Variants in SLC7A14 observed in about 807,000 individuals in gnomAD.
SLC7A14 encodes the protein gamma-aminobutyric acid transporter SLC7A14.
In SLC7A14, 37 loss-of-function variants were observed where a neutral mutation model predicts 60.2. The observed-to-expected ratio is 0.61, with a 90% CI of 0.47 to 0.81. The LOEUF (loss-of-function observed/expected upper bound fraction) is 0.81. SLC7A14 is among the 30% of genes least tolerant of loss of function. The pLI is 0.00. For synonymous variants in SLC7A14, 399 were observed against 395.8 expected, an observed-to-expected ratio of 1.01 and a Z score of -0.10; for missense variants, 886 against 982.7, an observed-to-expected ratio of 0.90 and a Z score of 1.32.
chr3:170,529,163 C>T (rs888506552), intron 1 of SLC7A14, among the ~76,000 whole-genome samples: 4 of 152,210 alleles, frequency 2.6e-5, no homozygotes, highest in Admixed American at 6.5e-5. Context: ...CAAAGAACCA[C>T]ATGAGTAAAT....
intron 7 of SLC7A14, among the ~76,000 whole-genome samples, chr3:170,470,311 T>A (rs1378782314): frequency 2.2e-5 from 3 of 136,690 alleles, no homozygotes; most frequent in African/African-American, 3.1e-5. Flanking sequence ...AAGGAACATG[T>A]GTGTGTGTGT....
At chr3:170,515,194 T>G (rs930851109) in intron 2 of SLC7A14, among the ~76,000 whole-genome samples, 1 of 151,642 alleles carries the variant, frequency 6.6e-6, no homozygotes, top group African/African-American at 2.4e-5. Flanking sequence ...GTGCCTCTAA[T>G]CCTAGCTACC....
intron 2 of SLC7A14, among the ~76,000 whole-genome samples, chr3:170,518,062 C>T (rs903917206): frequency 1.3e-5 from 2 of 152,170 alleles, no homozygotes; most frequent in African/African-American, 4.8e-5. Context: ...TGAGTTCTGG[C>T]ACGGCACTAA....
intron 2 of SLC7A14, among the ~76,000 whole-genome samples, chr3:170,510,056 C>T (rs139340187): frequency 8.9e-6 from 1 of 112,664 alleles, no homozygotes; most frequent in Non-Finnish European, 1.8e-5. Context: ...CCAGCCTGGA[C>T]AAGAGCAAAA....
chr3:170,498,697 C>G lies in SLC7A14; in HGVS notation c.729G>C (p.Glu243Asp). 3 of 1,614,184 alleles carry G rather than the reference C, an allele frequency of 1.9e-6. No individual in the cohort carries two copies. The highest frequency in any genetic ancestry group is 1.1e-5 in the South Asian group (1 of 91,088). ...ACCAGCCGTGGGGCAAGAACTGGCC[C>G]TCCGCCCAGTATTTCCCATTGATGA... ...LFFINGKYWAEGQFLPHGWSG... is the reference protein window; with the variant it reads ...LFFINGKYWADGQFLPHGWSG... The change falls in exon 4 of 8, where the codon GAG becomes GAC. Residue 243 changes from glutamate to aspartate, a missense_variant. Coordinates refer to ENST00000231706, the MANE Select transcript of SLC7A14 (RefSeq NM_020949.3).
Position 170,569,566 on chromosome 3 carries a change from G to T in SLC7A14, c.-153+16345C>A, listed in dbSNP as rs539754532. 1.3e-3 allele frequency among the ~76,000 whole-genome samples: 204 copies of T among 152,234 alleles called. No homozygotes were observed. The Middle Eastern group carries it at 0.014, about 10-fold the overall frequency. On this transcript the variant is annotated intron_variant, in intron 1 of 7. Coordinates refer to ENST00000231706, the MANE Select transcript of SLC7A14 (RefSeq NM_020949.3). Reference sequence around the variant, plus strand: ...GGATTCCCTCTTTTTCTATTGATTGGAATGGTTTCAGAAGGAATGGTACCA... The same window carrying T: ...GGATTCCCTCTTTTTCTATTGATTGTAATGGTTTCAGAAGGAATGGTACCA...
At chr3:170,523,125 A>G (rs1421036041) in intron 2 of SLC7A14, among the ~76,000 whole-genome samples, 1 of 152,258 alleles carries the variant, frequency 6.6e-6, no homozygotes, top group Non-Finnish European at 1.5e-5. Flanking sequence ...CCAGGCAATT[A>G]ATATGCATCT....
At chr3:170,482,964 G>A (rs931780781) in intron 6 of SLC7A14, among the ~76,000 whole-genome samples, 1 of 151,504 alleles carries the variant, frequency 6.6e-6, no homozygotes, top group Non-Finnish European at 1.5e-5. Flanking sequence ...AGGCCTCAAT[G>A]TGAGGGCAGG....
intron 2 of SLC7A14, among the ~76,000 whole-genome samples, chr3:170,511,008 A>G (rs958562363): frequency 2.0e-5 from 3 of 152,208 alleles, no homozygotes; most frequent in Non-Finnish European, 2.9e-5. Context: ...GAATTCACAC[A>G]GCCTCTGGAG....
intron 1 of SLC7A14, among the ~76,000 whole-genome samples, chr3:170,539,311 G>C (rs960011903): frequency 6.6e-6 from 1 of 152,070 alleles, no homozygotes; most frequent in Non-Finnish European, 1.5e-5. Context: ...CATGCTTCCA[G>C]TCTCAGCTGA....
chr3:170,513,065 G>A (rs1713037812), intron 2 of SLC7A14, among the ~76,000 whole-genome samples: 1 of 152,130 alleles, frequency 6.6e-6, no homozygotes, highest in Admixed American at 6.5e-5. Flanking sequence ...CTGATGGATT[G>A]TTTCTAGCTA....
rs1711762528 is a variant in SLC7A14, at chr3:170,480,200, T to C, written c.1993+89A>G. ...CAGCCAGATTTCTCTGGGAACGGAG[T>C]TGCCTAGTCCAGCTAGGAGGTAATT... On this transcript the variant is annotated intron_variant, in intron 7 of 7. Transcript: ENST00000231706. 2.2e-6 allele frequency: 3 copies of C among 1,348,806 alleles called. No individual in the cohort carries two copies. The South Asian group carries it at 5.0e-5, about 22-fold the overall frequency. 83.6% of individuals were successfully genotyped at this position (1,348,806 alleles called of 1,614,324 possible). A position where few individuals can be genotyped will look rare whatever the true frequency, so the allele number is the denominator to read the frequency against.
chr3:170,496,231 A>C, intron 4 of SLC7A14: 2 of 924,700 alleles, frequency 2.2e-6, no homozygotes, highest in Non-Finnish European at 3.6e-6. Flanking sequence ...AAGGCACAGT[A>C]GGAGGAGATC....
chr3:170,460,364 C>T lies in SLC7A14; in HGVS notation c.*6691G>A, dbSNP rs1220959366. 1 of 152,220 alleles carries T rather than the reference C, an allele frequency of 6.6e-6. No individual in the cohort carries two copies. The highest frequency in any genetic ancestry group is 2.4e-5 in the African/African-American group (1 of 41,436). 9.4% of individuals were successfully genotyped at this position (152,220 alleles called of 1,614,324 possible). On this transcript the variant is annotated 3_prime_UTR_variant, in exon 8 of 8. Coordinates refer to ENST00000231706, the MANE Select transcript of SLC7A14 (RefSeq NM_020949.3). Reference sequence around the variant, plus strand: ...TGACTACATGGAATGAGGACTATAGCTGCTCTCTTAAAAACCTGCAGCCCC... The same window carrying T: ...TGACTACATGGAATGAGGACTATAGTTGCTCTCTTAAAAACCTGCAGCCCC...
intron 7 of SLC7A14, among the ~76,000 whole-genome samples, chr3:170,469,326 C>A (rs542373319): frequency 6.6e-6 from 1 of 152,250 alleles, no homozygotes; most frequent in South Asian, 2.1e-4. Flanking sequence ...CTTTGTCCCC[C>A]CTCCCTCCCA....
chr3:170,490,701 T>C (rs1481001924), intron 4 of SLC7A14, among the ~76,000 whole-genome samples: 2 of 152,218 alleles, frequency 1.3e-5, no homozygotes, highest in African/African-American at 2.4e-5. Context: ...GTTAGGAGCA[T>C]AGACTTTGTA....
chr3:170,545,771 T>A (rs527364724), intron 1 of SLC7A14, among the ~76,000 whole-genome samples: 1 of 152,368 alleles, frequency 6.6e-6, no homozygotes, highest in Admixed American at 6.5e-5. Flanking sequence ...TCACATTAGC[T>A]GATATTATTA....
At position 170,480,570 on chromosome 3, in the gene SLC7A14, A is replaced by G. The variant is rs771373914; in HGVS notation, c.1712T>C (p.Leu571Pro). The change falls in exon 7 of 8, where the codon CTG becomes CCG. Residue 571 changes from leucine to proline, a missense_variant. Transcript: ENST00000231706. ...TGHTVTICVL[L>P]LFILMFIFCS... The stretch of plus-strand genomic sequence containing the variant: ...GAAGATGAACATGAGGATGAAGAGC[A>G]GGAGCACGCAGATGGTCACCGTGTG... The G allele has an allele frequency of 6.2e-7, 1 of 1,614,272 alleles. No individual in the cohort carries two copies. Among genetic ancestry groups the G allele is most frequent in the South Asian group, 1.1e-5 (1 of 91,082 alleles).
In SLC7A14 at chr3:170,491,295, T is replaced by G. The variant is rs114145558; in HGVS notation, c.760-4927A>C. ...TGATAATGATTAGCTATTAGAAAGT[T>G]AATTATGATCAAGTAGGGAAAAGAG... is the stretch of plus-strand genomic sequence containing the variant. On this transcript the variant is annotated intron_variant, in intron 4 of 7. Coordinates refer to ENST00000231706, the MANE Select transcript of SLC7A14 (RefSeq NM_020949.3). Among the ~76,000 whole-genome samples the G allele has an allele frequency of 3.3e-3, 504 of 152,308 alleles. 4 individuals carry two copies. Among genetic ancestry groups the G allele is most frequent in the African/African-American group, 0.012 (486 of 41,560 alleles).
Sources: allele counts gnomAD v4.1 joint callset (sites outside exome capture counted in the v4.1 genomes callset), GRCh38; gene constraint gnomAD v4.1.1; transcripts MANE v1.5; gene names NCBI Gene and HGNC (gene_info 2026-07-23, HGNC 2026-07-21).